EML4: variants seen among roughly 807,000 people sequenced by gnomAD.
EML4 encodes EMAP like 4, also known as echinoderm microtubule-associated protein-like 4.
Under a neutral mutation model 129.0 loss-of-function variants are expected in EML4, and 72 were observed. That is an observed-to-expected ratio of 0.56 (90% confidence interval 0.46 to 0.68). The LOEUF (loss-of-function observed/expected upper bound fraction) is 0.68. EML4 is among the 30% of genes least tolerant of loss of function. The probability of loss-of-function intolerance (pLI) is 0.00; values close to 1 mark genes in which losing one functional copy is unlikely to be tolerated. For missense variants in EML4, 1,363 were observed against 1,190.6 expected, an observed-to-expected ratio of 1.14 and a Z score of -2.13; for synonymous variants, 532 against 405.0, an observed-to-expected ratio of 1.31 and a Z score of -3.77.
intron 1 of EML4, among the ~76,000 whole-genome samples, chr2:42,183,387 C>T (rs1019452267): frequency 3.3e-5 from 5 of 152,090 alleles, no homozygotes; most frequent in African/African-American, 9.7e-5. Flanking sequence ...TGTACATTGT[C>T]GGTTTTAAGC....
chr2:42,215,962 C>T (rs1166312298), intron 1 of EML4, among the ~76,000 whole-genome samples: 3 of 151,758 alleles, frequency 2.0e-5, no homozygotes, highest in African/African-American at 4.8e-5. Context: ...GCTCTGTCAC[C>T]CAGGGTAGAG....
At chr2:42,225,290 A>T (rs1673883549) in intron 1 of EML4, among the ~76,000 whole-genome samples, 1 of 152,140 alleles carries the variant, frequency 6.6e-6, no homozygotes, top group South Asian at 2.1e-4. Flanking sequence ...TTGCTTTGTC[A>T]TATGGTAATC....
chr2:42,245,094 C>CTTTTTTCTTTTTTTTTTTTTTTTTTTTT (rs1675302814), intron 1 of EML4, among the ~76,000 whole-genome samples: 1 of 66,562 alleles, frequency 1.5e-5, no homozygotes, highest in Non-Finnish European at 2.6e-5. Flanking sequence ...AATTTTCTTT[C>CTTTTTTCTTTTTTTTTTTTTTTTTTTTT]TTTTTTTTTT....
chr2:42,181,633 T>G (rs1670951774), intron 1 of EML4, among the ~76,000 whole-genome samples: 1 of 152,192 alleles, frequency 6.6e-6, no homozygotes, highest in South Asian at 2.1e-4. Context: ...AGTCCATTAC[T>G]ATTTATTTTG....
Position 42,278,861 on chromosome 2 carries a change from G to A in EML4, c.668-1989G>A, listed in dbSNP as rs566982885. Among the ~76,000 whole-genome samples, 6 of 152,174 alleles carry A rather than the reference G, an allele frequency of 3.9e-5. No individual in the cohort carries two copies. In the East Asian group the frequency reaches 7.7e-4, roughly 20 times the overall value. On this transcript the variant is annotated intron_variant, in intron 6 of 22. Coordinates refer to ENST00000318522, the MANE Select transcript of EML4 (RefSeq NM_019063.5). ...TGAGGCAGGAGAATCACTTGAACCC[G>A]GGAGGTGGAAGTTACAGTGAGCCAA...
At chr2:42,285,055 CTTAT>C (rs1667211447) in intron 9 of EML4, among the ~76,000 whole-genome samples, 1 of 136,078 alleles carries the variant, frequency 7.3e-6, no homozygotes, top group Non-Finnish European at 1.6e-5. Context: ...CCTGTTGATT[CTTAT>C]TTACTTTCTT....
chr2:42,224,097 A>G (rs1396631613), intron 1 of EML4, among the ~76,000 whole-genome samples: 4 of 152,134 alleles, frequency 2.6e-5, no homozygotes, highest in Non-Finnish European at 4.4e-5. Context: ...CACCCATTTA[A>G]AACATGTACT....
intron 20 of EML4, 49 bp downstream of exon 20, chr2:42,325,603 T>A (rs1027210645): frequency 0.15 from 3,243 of 21,092 alleles, 222 homozygotes; most frequent in Non-Finnish European, 0.19. Flanking sequence ...TGATTATATT[T>A]ATATATATAT....
intron 1 of EML4, among the ~76,000 whole-genome samples, chr2:42,187,778 G>GC (rs1671345800): frequency 6.6e-6 from 1 of 152,032 alleles, no homozygotes; most frequent in South Asian, 2.1e-4. Context: ...CCAGTCTGTG[G>GC]CTTGCCCTTT....
rs1553391019 is a variant in EML4 at position 42,303,091 on chromosome 2, C to T, written c.1642-13C>T. The T allele has an allele frequency of 6.8e-6, 11 of 1,612,418 alleles. No individual in the cohort carries two copies. Among genetic ancestry groups the T allele is most frequent in the Non-Finnish European group, 9.3e-6 (11 of 1,179,246 alleles). On this transcript the variant is annotated splice_polypyrimidine_tract_variant and intron_variant, in intron 14 of 22. Transcript: ENST00000318522. ...TTAGTATGTATATGGTGACTTTACACTTTTTTTTCTAGGTTCCTGATCAGT... is the reference window on the plus strand; with the variant it reads ...TTAGTATGTATATGGTGACTTTACATTTTTTTTTCTAGGTTCCTGATCAGT...
Position 42,229,065 on chromosome 2 carries a change from T to C in EML4, c.26-16440T>C, listed in dbSNP as rs570046246. Among the ~76,000 whole-genome samples the C allele has an allele frequency of 1.7e-4, 26 of 152,280 alleles. No homozygotes were observed. The South Asian group carries it at 5.4e-3, about 32-fold the overall frequency. On this transcript the variant is annotated intron_variant, in intron 1 of 22. Coordinates refer to ENST00000318522, the MANE Select transcript of EML4 (RefSeq NM_019063.5). ...TAGAAACTAAGTTTTAGTAAAACTT[T>C]GATCGTGTACCCTAGGTACCTGACT...
chr2:42,199,599 C>G (rs142725315), intron 1 of EML4, among the ~76,000 whole-genome samples: 1 of 152,148 alleles, frequency 6.6e-6, no homozygotes, highest in African/African-American at 2.4e-5. Flanking sequence ...CGTTTTGACT[C>G]AGCTGGAATG....
chr2:42,323,912 C>G lies in EML4; in HGVS notation c.2155-1555C>G, dbSNP rs563878862. On this transcript the variant is annotated intron_variant, in intron 19 of 22. Coordinates refer to ENST00000318522, the MANE Select transcript of EML4 (RefSeq NM_019063.5). ...TGAGCCAAGATTATGCCACTGCACT[C>G]CAGCCTGGGTGAACGAGTGAGACTC... Among the ~76,000 whole-genome samples, 12 of 150,786 alleles carry G rather than the reference C, an allele frequency of 8.0e-5. No individual in the cohort carries two copies. In the South Asian group the frequency reaches 1.7e-3, roughly 21 times the overall value.
intron 4 of EML4, among the ~76,000 whole-genome samples, chr2:42,262,009 A>G (rs1296719209): frequency 6.6e-6 from 1 of 152,132 alleles, no homozygotes. Context: ...CAATCTAATT[A>G]AATTTGCCTG....
At chr2:42,249,692 C>T (rs531958198) in intron 2 of EML4, among the ~76,000 whole-genome samples, 2 of 152,140 alleles carry the variant, frequency 1.3e-5, no homozygotes, top group African/African-American at 4.8e-5. Flanking sequence ...AAATATATTT[C>T]GTTGTCTTAG....
At chr2:42,273,230 AT>A (rs1363096568) in intron 6 of EML4, among the ~76,000 whole-genome samples, 2 of 152,154 alleles carry the variant, frequency 1.3e-5, no homozygotes, top group African/African-American at 4.8e-5. Flanking sequence ...ATAAAACCAT[AT>A]TTTGCCTACA....
chr2:42,223,640 TTGCTC>T (rs2104130304), intron 1 of EML4, among the ~76,000 whole-genome samples: 1 of 152,244 alleles, frequency 6.6e-6, no homozygotes, highest in African/African-American at 2.4e-5. Flanking sequence ...GTGAGAAAGT[TTGCTC>T]TGCTTAGCCC....
chr2:42,278,280 G>C (rs961906838), intron 6 of EML4, among the ~76,000 whole-genome samples: 1 of 152,082 alleles, frequency 6.6e-6, no homozygotes, highest in African/African-American at 2.4e-5. Flanking sequence ...AAAGGACTAA[G>C]AAACAATTGC....
At chr2:42,175,348 T>G (rs1040045965) in intron 1 of EML4, among the ~76,000 whole-genome samples, 1 of 151,022 alleles carries the variant, frequency 6.6e-6, no homozygotes, top group Non-Finnish European at 1.5e-5. Context: ...CGCCTGACCT[T>G]GTTATTCGCC....
Sources: allele counts gnomAD v4.1 joint callset (sites outside exome capture counted in the v4.1 genomes callset), GRCh38; gene constraint gnomAD v4.1.1; transcripts MANE v1.5; gene names NCBI Gene and HGNC (gene_info 2026-07-23, HGNC 2026-07-21).